Variants in CNTNAP2 observed in about 807,000 individuals in gnomAD.
CNTNAP2 encodes the protein contactin associated protein 2, also known as contactin-associated protein-like 2.
A neutral mutation model predicts 155.2 loss-of-function variants in CNTNAP2; 98 were observed. The observed-to-expected ratio is 0.63, with a 90% confidence interval of 0.54 to 0.75. CNTNAP2 has a LOEUF of 0.75. Ranked by LOEUF, CNTNAP2 falls within the 30% of genes least tolerant of loss-of-function variation. The probability of loss-of-function intolerance (pLI) is 0.00; values close to 1 mark genes in which losing one functional copy is unlikely to be tolerated. For synonymous variants in CNTNAP2, 651 were observed against 631.2 expected (o/e 1.03, Z -0.47); for missense variants, 1,727 against 1,688.1 (o/e 1.02, Z -0.40).
intron 21 of CNTNAP2, among the ~76,000 whole-genome samples, chr7:148,315,188 G>A (rs1044799658): frequency 2.0e-5 from 3 of 152,244 alleles, no homozygotes; most frequent in Admixed American, 1.3e-4. Flanking sequence ...CCCCTGATTC[G>A]AGTCACAGCA....
At chr7:146,952,427 A>G (rs1797336336) in intron 3 of CNTNAP2, among the ~76,000 whole-genome samples, 1 of 152,170 alleles carries the variant, frequency 6.6e-6, no homozygotes, top group Non-Finnish European at 1.5e-5. Flanking sequence ...AGTTCTGGCC[A>G]GGGCAATCAG....
intron 17 of CNTNAP2, among the ~76,000 whole-genome samples, chr7:148,150,715 T>C (rs1464804108): frequency 6.6e-6 from 1 of 152,178 alleles, no homozygotes; most frequent in Non-Finnish European, 1.5e-5. Flanking sequence ...ATCTTCCCTC[T>C]CTGAGTATCT....
At chr7:147,886,460 A>G (rs1799599574) in intron 13 of CNTNAP2, among the ~76,000 whole-genome samples, 1 of 120,296 alleles carries the variant, frequency 8.3e-6, no homozygotes, top group Non-Finnish European at 1.7e-5. Flanking sequence ...GGGCAACAAG[A>G]GGGAAACTCC....
intron 13 of CNTNAP2, among the ~76,000 whole-genome samples, chr7:147,681,799 G>C (rs1032106813): frequency 2.6e-5 from 4 of 151,660 alleles, no homozygotes; most frequent in Admixed American, 6.6e-5. Flanking sequence ...TTTTGCAAGA[G>C]AGAGAGAGAG....
At chr7:146,554,336 G>A (rs1584979147) in intron 1 of CNTNAP2, among the ~76,000 whole-genome samples, 1 of 152,186 alleles carries the variant, frequency 6.6e-6, no homozygotes, top group East Asian at 1.9e-4. Flanking sequence ...CTTAGATTGG[G>A]TTCATGTGGA....
chr7:148,326,532 G>A (rs1167235850), intron 21 of CNTNAP2, among the ~76,000 whole-genome samples: 1 of 152,112 alleles, frequency 6.6e-6, no homozygotes, highest in South Asian at 2.1e-4. Flanking sequence ...CTTCTTGAAA[G>A]GATTTGAAAC....
intron 21 of CNTNAP2, among the ~76,000 whole-genome samples, chr7:148,310,220 G>A (rs1414279821): frequency 1.3e-5 from 2 of 152,204 alleles, no homozygotes; most frequent in Non-Finnish European, 2.9e-5. Flanking sequence ...TACTTGGTTG[G>A]CAAGTTTTTG....
chr7:146,852,125 T>C (rs908423848), intron 3 of CNTNAP2, among the ~76,000 whole-genome samples: 2 of 152,148 alleles, frequency 1.3e-5, no homozygotes, highest in Non-Finnish European at 2.9e-5. Context: ...ACATTGGGGG[T>C]TGGAACATGA....
At chr7:146,119,538 T>A (rs1797533347) in intron 1 of CNTNAP2, among the ~76,000 whole-genome samples, 2 of 152,090 alleles carry the variant, frequency 1.3e-5, no homozygotes, top group Non-Finnish European at 2.9e-5. Context: ...TATCTTCCCT[T>A]CCTGTAAATG....
intron 4 of CNTNAP2, among the ~76,000 whole-genome samples, chr7:147,049,935 C>G (rs1019266348): frequency 3.9e-5 from 6 of 152,142 alleles, no homozygotes; most frequent in Non-Finnish European, 7.3e-5. Flanking sequence ...TGACTCTATT[C>G]CAGGTGGAGA....
intron 8 of CNTNAP2, among the ~76,000 whole-genome samples, chr7:147,298,595 G>A (rs915096215): frequency 6.6e-6 from 1 of 152,146 alleles, no homozygotes; most frequent in African/African-American, 2.4e-5. Flanking sequence ...CTTTAAAATA[G>A]TTTTTCTATT....
At chr7:147,542,865 T>C (rs1799664913) in intron 11 of CNTNAP2, among the ~76,000 whole-genome samples, 1 of 152,228 alleles carries the variant, frequency 6.6e-6, no homozygotes, top group African/African-American at 2.4e-5. Context: ...TACATATGTA[T>C]TTGTATTTAA....
intron 1 of CNTNAP2, among the ~76,000 whole-genome samples, chr7:146,247,224 G>A (rs745722017): frequency 6.6e-6 from 1 of 152,154 alleles, no homozygotes; most frequent in African/African-American, 2.4e-5. Context: ...CACTGATTTG[G>A]GAGAGGTCTG....
intron 1 of CNTNAP2, among the ~76,000 whole-genome samples, chr7:146,151,669 T>TAC (rs1798048250): frequency 2.2e-5 from 1 of 44,562 alleles, no homozygotes; most frequent in African/African-American, 9.1e-5. Flanking sequence ...TATATATATA[T>TAC]ATATATATAT....
At chr7:146,377,016 A>G (rs1795313223) in intron 1 of CNTNAP2, among the ~76,000 whole-genome samples, 1 of 152,166 alleles carries the variant, frequency 6.6e-6, no homozygotes, top group African/African-American at 2.4e-5. Flanking sequence ...AATGTGAGAA[A>G]ATAAATTTCC....
chr7:146,665,842 T>A (rs1800184968), intron 1 of CNTNAP2, among the ~76,000 whole-genome samples: 1 of 150,436 alleles, frequency 6.6e-6, no homozygotes. Context: ...ATAACACTTT[T>A]AAAATTATAT....
At chr7:147,283,133 G>C (rs1252520362) in intron 8 of CNTNAP2, among the ~76,000 whole-genome samples, 3 of 151,788 alleles carry the variant, frequency 2.0e-5, no homozygotes, top group African/African-American at 7.3e-5. Context: ...CATATTTCAT[G>C]AGTTTTTTGA....
At chr7:146,172,824 A>G (rs938801309) in intron 1 of CNTNAP2, among the ~76,000 whole-genome samples, 3 of 152,188 alleles carry the variant, frequency 2.0e-5, no homozygotes, top group African/African-American at 7.2e-5. Flanking sequence ...GAATACAGAC[A>G]TGCAAGATAT....
At chr7:147,106,891 G>A (rs551698748) in intron 4 of CNTNAP2, among the ~76,000 whole-genome samples, 9 of 152,262 alleles carry the variant, frequency 5.9e-5, no homozygotes, top group African/African-American at 1.9e-4. Flanking sequence ...GGTGATTGGA[G>A]TAAACAAGTG....
Sources: allele counts gnomAD v4.1 joint callset (sites outside exome capture counted in the v4.1 genomes callset), GRCh38; gene constraint gnomAD v4.1.1; transcripts MANE v1.5; gene names NCBI Gene and HGNC (gene_info 2026-07-23, HGNC 2026-07-21).